HNRNPH1: variants seen among roughly 807,000 people sequenced by gnomAD.
The protein encoded by HNRNPH1 is heterogeneous nuclear ribonucleoprotein H.
Under a neutral mutation model 58.6 loss-of-function variants are expected in HNRNPH1, and 4 were observed. The observed-to-expected ratio is 0.07, with a 90% confidence interval of 0.03 to 0.16. The LOEUF is 0.16. Among genes scored for constraint, HNRNPH1 ranks in the 10% least tolerant of loss-of-function variants. The pLI is 1.00. For missense variants in HNRNPH1, 271 were observed against 564.2 expected (o/e 0.48, Z 5.26); for synonymous variants, 192 against 189.2 (o/e 1.01, Z -0.12).
chr5:179,627,090 G>A (rs114377759), upstream of HNRNPH1, among the ~76,000 whole-genome samples: 232 of 152,190 alleles, frequency 1.5e-3, no homozygotes, highest in African/African-American at 5.3e-3. Flanking sequence ...TAATGTCTTC[G>A]TATACTTCTT....
chr5:179,621,229 AT>A lies in HNRNPH1; in HGVS notation c.253+12del, dbSNP rs760615079. The A allele has an allele frequency of 4.2e-4, 672 of 1,610,344 alleles. 1 individual carries two copies. The highest frequency in any genetic ancestry group is 5.2e-4 in the Non-Finnish European group (611 of 1,176,626). On this transcript the variant is annotated intron_variant, in intron 2 of 12. Coordinates refer to ENST00000356731, the Ensembl canonical transcript of HNRNPH1. ...TGCTTTATTTACTGTAACTAGGGCAATGTAAATCAAACCTTCAACATATCTG... is the reference window on the plus strand; with the variant it reads ...TGCTTTATTTACTGTAACTAGGGCAAGTAAATCAAACCTTCAACATATCTG...
At chr5:179,617,488 G>A (rs1246325433) in intron 8 of HNRNPH1, 26 bp downstream of exon 9, 1 of 1,608,110 alleles carries the variant, frequency 6.2e-7, no homozygotes, top group African/African-American at 1.3e-5. Flanking sequence ...CCTGTTAAGA[G>A]CCCACAAATG....
At chr5:179,615,768 G>A (rs1437951244) in intron 11 of HNRNPH1, 173 bp from the exon 13 acceptor site, 2 of 523,598 alleles carry the variant, frequency 3.8e-6, no homozygotes, top group East Asian at 6.1e-5. Context: ...CTGACTTAAT[G>A]CTAACCAAAA....
intron 2 of HNRNPH1, 32 bp from the exon 4 acceptor site, chr5:179,621,067 G>A (rs369373817): frequency 4.4e-6 from 7 of 1,607,370 alleles, no homozygotes; most frequent in Non-Finnish European, 6.0e-6. Context: ...AGTCACTTTT[G>A]GAAAATTAGA....
At chr5:179,622,082 T>C (rs746696381) in intron 1 of HNRNPH1, 12 of 443,978 alleles carry the variant, frequency 2.7e-5, no homozygotes, top group Admixed American at 9.9e-5. Flanking sequence ...AGTCTAATAA[T>C]AGGAACAAGG....
At chr5:179,616,729 G>A in intron 10 of HNRNPH1, 140 bp downstream of exon 11, 1 of 712,500 alleles carries the variant, frequency 1.4e-6, no homozygotes, top group Non-Finnish European at 2.4e-6. Context: ...AAGTAAGCCA[G>A]ATACAAAACT....
chr5:179,629,670 A>G (rs1434516654), intron 2 of HNRNPH1, among the ~76,000 whole-genome samples: 1 of 152,206 alleles, frequency 6.6e-6, no homozygotes, highest in East Asian at 1.9e-4. Context: ...TTATACTCCA[A>G]TTATTTTATG....
intron 2 of HNRNPH1, among the ~76,000 whole-genome samples, chr5:179,630,562 T>A (rs903473613): frequency 6.6e-6 from 1 of 152,108 alleles, no homozygotes; most frequent in Non-Finnish European, 1.5e-5. Context: ...CAAGGTACAT[T>A]GTGCTTGGAG....
chr5:179,627,229 C>A (rs1774477344), upstream of HNRNPH1, among the ~76,000 whole-genome samples: 5 of 152,128 alleles, frequency 3.3e-5, no homozygotes, highest in South Asian at 1.0e-3. Context: ...GTTTTACAGA[C>A]AATGTCTTGT....
intron 1 of HNRNPH1, 105 bp from the exon 3 acceptor site, chr5:179,621,502 T>C: frequency 1.0e-6 from 1 of 963,820 alleles, no homozygotes; most frequent in Admixed American, 2.4e-5. Flanking sequence ...TTACATAACT[T>C]GTGAAGCCTA....
At chr5:179,623,146 G>A (rs1420169396) in exon 1 of HNRNPH1, 2 of 1,591,286 alleles carry the variant, frequency 1.3e-6, no homozygotes, top group African/African-American at 1.3e-5. Context: ...TCTCTTACGC[G>A]GTCCGGCGTC....
chr5:179,625,967 T>A (rs543268944), upstream of HNRNPH1, among the ~76,000 whole-genome samples: 12 of 111,044 alleles, frequency 1.1e-4, no homozygotes, highest in African/African-American at 1.5e-4. Flanking sequence ...TTATTTATTT[T>A]TTGTAGCAAT....
At chr5:179,621,108 A>G in intron 2 of HNRNPH1, 73 bp from the exon 4 acceptor site, 1 of 1,559,270 alleles carries the variant, frequency 6.4e-7, no homozygotes, top group Non-Finnish European at 8.8e-7. Context: ...GGGTCTTTAG[A>G]TAAGCTAGGA....
chr5:179,634,696 CAG>C (rs1194074927), exon 1 of HNRNPH1: 4 of 118,118 alleles, frequency 3.4e-5, no homozygotes, highest in African/African-American at 5.2e-5. Context: ...TCTCCATCTC[CAG>C]CGCTGGATGA....
At chr5:179,616,215 T>G (rs1769535163) in exon 11 of HNRNPH1, 1 of 1,613,520 alleles carries the variant, frequency 6.2e-7, no homozygotes, top group African/African-American at 1.3e-5. Flanking sequence ...GCTGGACTGG[T>G]TTGCTGTTAA....
At chr5:179,621,542 TA>T in intron 1 of HNRNPH1, 145 bp from the exon 3 acceptor site, 1 of 637,282 alleles carries the variant, frequency 1.6e-6, no homozygotes. Flanking sequence ...TACCAACTCC[TA>T]AAACTCCAAT....
intron 3 of HNRNPH1, among the ~76,000 whole-genome samples, chr5:179,620,224 T>C (rs1771699643): frequency 6.6e-6 from 1 of 152,236 alleles, no homozygotes; most frequent in East Asian, 1.9e-4. Context: ...ACATCATAAA[T>C]ATTAATACTT....
chr5:179,617,747 C>T (rs878941703), intron 7 of HNRNPH1, 52 bp downstream of exon 8: 4 of 1,608,854 alleles, frequency 2.5e-6, no homozygotes, highest in Admixed American at 3.3e-5. Context: ...TAGAATAAGG[C>T]TGACTTACTG....
chr5:179,616,544 AG>A, intron 10 of HNRNPH1: 1 of 514,414 alleles, frequency 1.9e-6, no homozygotes, highest in Non-Finnish European at 3.5e-6. Context: ...GATACATCAA[AG>A]GCATGTCAAT....
Sources: allele counts gnomAD v4.1 joint callset (sites outside exome capture counted in the v4.1 genomes callset), GRCh38; gene constraint gnomAD v4.1.1; transcripts MANE v1.5; gene names NCBI Gene and HGNC (gene_info 2026-07-23, HGNC 2026-07-21).